RNF34: variants seen among roughly 807,000 people sequenced by gnomAD.
RNF34 encodes the protein ring finger protein 34.
RNF34 carries 12 observed loss-of-function variants against 37.9 expected under a neutral mutation model. The ratio of observed to expected loss-of-function variants is 0.32; its 90% CI spans 0.20 to 0.51. The LOEUF is 0.51. RNF34 is among the 20% of genes least tolerant of loss of function. The pLI is 0.97. For synonymous variants in RNF34, 155 were observed against 177.2 expected (o/e 0.87, Z 1.00); for missense variants, 362 against 472.7 (o/e 0.77, Z 2.17).
chr12:121,400,174 T>A lies in RNF34; in HGVS notation c.-39T>A. ...TGTGAGGAGCTGCTATGGTGCTGAG[T>A]TTCCTGGTAGAGCCGGCCGAGCTGA... On this transcript the variant is annotated 5_prime_UTR_variant, in exon 1 of 6. Transcript: ENST00000361234. 6.2e-7 allele frequency: 1 copy of A among 1,605,102 alleles called. No individual in the cohort carries two copies. The highest frequency in any genetic ancestry group is 8.5e-7 in the Non-Finnish European group (1 of 1,177,798).
chr12:121,403,269 G>A (rs907996804), intron 1 of RNF34, among the ~76,000 whole-genome samples: 2 of 152,040 alleles, frequency 1.3e-5, no homozygotes, highest in Admixed American at 1.3e-4. Context: ...GGTGGCGGGC[G>A]CCTGTAGTCC....
chr12:121,421,704 A>G (rs1555283424), intron 5 of RNF34, among the ~76,000 whole-genome samples: 1 of 152,134 alleles, frequency 6.6e-6, no homozygotes, highest in Non-Finnish European at 1.5e-5. Context: ...AAAAATATAT[A>G]TGTACTTAAT....
At chr12:121,401,266 C>T (rs1869964568) in intron 1 of RNF34, among the ~76,000 whole-genome samples, 1 of 149,184 alleles carries the variant, frequency 6.7e-6, no homozygotes, top group Non-Finnish European at 1.5e-5. Context: ...ATTCAAAATA[C>T]AGTCTCATCC....
rs782039888 is a variant in RNF34 at position 121,417,503 on chromosome 12, G to C, written c.226-1G>C. 3 of 1,608,030 alleles carry C rather than the reference G, an allele frequency of 1.9e-6. No individual in the cohort carries two copies. The highest frequency in any genetic ancestry group is 2.6e-6 in the Non-Finnish European group (3 of 1,176,332). ...GTCATCAAATGCTTTTCTTTCTTCAGCATGTTTGCTGTGACTGCAAGAAGG... is the reference window on the plus strand; with the variant it reads ...GTCATCAAATGCTTTTCTTTCTTCACCATGTTTGCTGTGACTGCAAGAAGG... On this transcript the variant is annotated splice_acceptor_variant, in intron 2 of 5. Coordinates refer to ENST00000361234, the MANE Select transcript of RNF34 (RefSeq NM_025126.4). LOFTEE classifies it high-confidence loss of function. This position sits in a 1 kb window ranked among gnomAD's most constrained non-coding sequence, Gnocchi z 5.0.
chr12:121,417,785 C>G lies in RNF34; in HGVS notation c.507C>G (p.Ser169=). Residue 169 remains serine, a synonymous_variant, in exon 3 of 6, where the codon TCC becomes TCG. Transcript: ENST00000361234. This position sits in a 1 kb window ranked among gnomAD's most constrained non-coding sequence, Gnocchi z 5.0. ...CAAGCAGTCTGAATTCTTCAAGGTC[C>G]CAGACTTCTAGCTTTTTTACACGTT... ...MDTSSLNSSR[S]QTSSFFTRSF... 1 of 1,614,100 alleles carries G rather than the reference C, an allele frequency of 6.2e-7. No homozygotes were observed. Among genetic ancestry groups the G allele is most frequent in the Non-Finnish European group, 8.5e-7 (1 of 1,180,010 alleles).
intron 1 of RNF34, chr12:121,402,741 G>A (rs534144227): frequency 6.3e-6 from 10 of 1,579,244 alleles, no homozygotes; most frequent in Non-Finnish European, 7.7e-6. Context: ...TTCTCTGAAA[G>A]GTGGGGGAGT....
chr12:121,413,602 G>T (rs1333991954), intron 1 of RNF34, among the ~76,000 whole-genome samples: 1 of 143,336 alleles, frequency 7.0e-6, no homozygotes, highest in Non-Finnish European at 1.5e-5. Flanking sequence ...TTTTGAGATG[G>T]AGTCTCGCTT....
At position 121,420,742 on chromosome 12, in the gene RNF34, C is replaced by G. The variant is rs1280127992; in HGVS notation, c.892C>G (p.Arg298Gly). 11 of 1,613,726 alleles carry G rather than the reference C, an allele frequency of 6.8e-6. No homozygotes were observed. Among genetic ancestry groups the G allele is most frequent in the Non-Finnish European group, 8.5e-7 (1 of 1,179,810 alleles). ...EKWELVEKVNRLYKENEENQK... is the reference protein window; with the variant it reads ...EKWELVEKVNGLYKENEENQK... ...ATGGGAACTGGTAGAGAAAGTAAACCGGTTATACAAAGAGAATGAAGAAAA... is the reference window on the plus strand; with the variant it reads ...ATGGGAACTGGTAGAGAAAGTAAACGGGTTATACAAAGAGAATGAAGAAAA... The change falls in exon 5 of 6, where the codon CGG (arginine) becomes GGG (glycine). Residue 298 changes from arginine to glycine, a missense_variant. Coordinates refer to ENST00000361234, the MANE Select transcript of RNF34 (RefSeq NM_025126.4).
At position 121,420,247 on chromosome 12, in the gene RNF34, A is replaced by G. The variant is rs138199363; in HGVS notation, c.639A>G (p.Gln213=). 1 of 1,609,024 alleles carries G rather than the reference A, an allele frequency of 6.2e-7. No individual in the cohort carries two copies. Among genetic ancestry groups the G allele is most frequent in the Non-Finnish European group, 8.5e-7 (1 of 1,176,472 alleles). Residue 213 remains glutamine, a synonymous_variant, in exon 4 of 6, where the codon CAA becomes CAG. Transcript: ENST00000361234. ...TSRSGVPAQV[Q]SEITSANTED... ...GATACGTTGTATAAGTGTAGGTACA[A>G]AGTGAAATCACTTCAGCAAACACAG...
intron 1 of RNF34, among the ~76,000 whole-genome samples, chr12:121,404,121 TCTC>T (rs1555280356): frequency 6.6e-6 from 1 of 151,406 alleles, no homozygotes; most frequent in African/African-American, 2.4e-5. Context: ...TTCAAACAGT[TCTC>T]CTGCCTCAGC....
At chr12:121,420,215 C>A in intron 3 of RNF34, 27 bp from the exon 4 acceptor site, 2 of 1,604,888 alleles carry the variant, frequency 1.2e-6, no homozygotes, top group South Asian at 1.1e-5. Context: ...GATTCCTGAC[C>A]TAATCAGATA....
In RNF34 at chr12:121,423,370, C is replaced by A; in HGVS notation, c.929-16C>A. 6.3e-7 allele frequency: 1 copy of A among 1,590,100 alleles called. No individual in the cohort carries two copies. Among genetic ancestry groups the A allele is most frequent in the Non-Finnish European group, 8.6e-7 (1 of 1,166,238 alleles). ...CATGCCTGAAGCCGAGGCCTTAGCT[C>A]TCTGTTGCCTTTCAGATGGCGAGCG... is the stretch of plus-strand genomic sequence containing the variant. On this transcript the variant is annotated splice_polypyrimidine_tract_variant and intron_variant, in intron 5 of 5. Coordinates refer to ENST00000361234, the MANE Select transcript of RNF34 (RefSeq NM_025126.4). This position sits in a 1 kb window ranked among gnomAD's most constrained non-coding sequence, Gnocchi z 4.3.
Position 121,414,669 on chromosome 12 carries a change from CTGTTGTTGT to C in RNF34, c.7-1482_7-1474del, listed in dbSNP as rs199659743. Among the ~76,000 whole-genome samples, 155 of 152,182 alleles carry C rather than the reference CTGTTGTTGT, an allele frequency of 1.0e-3. No individual in the cohort carries two copies. The South Asian group carries it at 0.024, about 24-fold the overall frequency. Reference sequence around the variant, plus strand: ...AAAGGTAAAATAAAAAAATACTTTCCTGTTGTTGTTGTTGTTTTTTCGAGATGGACTCTC... The same window carrying C: ...AAAGGTAAAATAAAAAAATACTTTCCTGTTGTTTTTTCGAGATGGACTCTC... On this transcript the variant is annotated intron_variant, in intron 1 of 5. Coordinates refer to ENST00000361234, the MANE Select transcript of RNF34 (RefSeq NM_025126.4).
intron 3 of RNF34, among the ~76,000 whole-genome samples, chr12:121,419,441 A>T (rs1871898149): frequency 6.6e-6 from 1 of 152,222 alleles, no homozygotes; most frequent in African/African-American, 2.4e-5. Flanking sequence ...CAGGAGTTTT[A>T]TTATTCTCCC....
At chr12:121,406,564 G>T (rs1425188002) in intron 1 of RNF34, among the ~76,000 whole-genome samples, 1 of 152,108 alleles carries the variant, frequency 6.6e-6, no homozygotes, top group Non-Finnish European at 1.5e-5. Flanking sequence ...TAGGATTACA[G>T]GCGTGAGCCA....
In RNF34 at chr12:121,423,792, G is replaced by A. The variant is rs936786199; in HGVS notation, c.*216G>A. The A allele has an allele frequency of 9.5e-6, 5 of 524,382 alleles. No homozygotes were observed. Among genetic ancestry groups the A allele is most frequent in the Middle Eastern group, 8.7e-4 (2 of 2,308 alleles). 32.5% of individuals were successfully genotyped at this position (524,382 alleles called of 1,614,324 possible). A position where few individuals can be genotyped will look rare whatever the true frequency, so the allele number is the denominator to read the frequency against. ...TGGACACGTGAGCTTCCCGGGCTCA[G>A]CTGGGCTTTATCACACATCCCGTGA... is the stretch of plus-strand genomic sequence containing the variant. On this transcript the variant is annotated 3_prime_UTR_variant, in exon 6 of 6. Coordinates refer to ENST00000361234, the MANE Select transcript of RNF34 (RefSeq NM_025126.4). This position sits in a 1 kb window ranked among gnomAD's most constrained non-coding sequence, Gnocchi z 4.3.
chr12:121,416,180 G>C lies in RNF34; in HGVS notation c.28G>C (p.Ala10Pro). MKAGATSMW[A>P]SCCGLLNEVM... ...TTAGGCGGGTGCCACGTCTATGTGG[G>C]CTTCGTGCTGTGGGCTGCTGAATGA... The change falls in exon 2 of 6, where the codon GCT becomes CCT. Residue 10 changes from alanine to proline, a missense_variant. Ala to Pro is a conservative substitution (Grantham distance 27, BLOSUM62 -1). Transcript: ENST00000361234. The C allele has an allele frequency of 6.2e-7, 1 of 1,614,070 alleles. No individual in the cohort carries two copies. The highest frequency in any genetic ancestry group is 1.1e-5 in the South Asian group (1 of 91,080).
intron 1 of RNF34, among the ~76,000 whole-genome samples, chr12:121,410,048 G>C (rs1870899527): frequency 6.6e-6 from 1 of 152,120 alleles, no homozygotes. Flanking sequence ...CCAGCTACTA[G>C]GAGGCTGAGG....
intron 1 of RNF34, among the ~76,000 whole-genome samples, chr12:121,400,513 T>G (rs1238444911): frequency 6.6e-6 from 1 of 152,150 alleles, no homozygotes; most frequent in Non-Finnish European, 1.5e-5. Context: ...CCTGTGCGCC[T>G]CCTCGGGGGC....
Sources: gnomAD v4.1 joint callset for allele counts (sites outside exome capture counted in the v4.1 genomes callset) on GRCh38, gnomAD v4.1.1 for gene constraint, Gnocchi (gnomAD v3.1) non-coding constraint, MANE v1.5 for transcripts, NCBI Gene and HGNC (gene_info 2026-07-23, HGNC 2026-07-21) for gene names.